INPP4A: variants seen among roughly 807,000 people sequenced by gnomAD.
INPP4A encodes inositol polyphosphate-4-phosphatase type I A.
INPP4A carries 33 observed loss-of-function variants against 119.8 expected under a neutral mutation model. That is an observed-to-expected ratio of 0.28 (90% CI 0.21 to 0.37). The LOEUF is 0.37. Ranked by LOEUF, INPP4A falls within the 10% of genes least tolerant of loss-of-function variation. The pLI is 1.00. For missense variants in INPP4A, 956 were observed against 1,289.9 expected (o/e 0.74, Z 3.97); for synonymous variants, 496 against 500.7 (o/e 0.99, Z 0.12).
At chr2:98,447,607 C>T (rs546360147) in intron 1 of INPP4A, among the ~76,000 whole-genome samples, 1 of 152,106 alleles carries the variant, frequency 6.6e-6, no homozygotes, top group African/African-American at 2.4e-5. Flanking sequence ...CAAGAATAAG[C>T]CAAAGGTTTC....
chr2:98,532,550 A>G (rs1327052331), intron 4 of INPP4A, among the ~76,000 whole-genome samples: 1 of 152,206 alleles, frequency 6.6e-6, no homozygotes, highest in East Asian at 1.9e-4. Context: ...CCTTGTGTGA[A>G]CATGATAGAG....
rs1339877542 is a variant in INPP4A at position 98,520,747 on chromosome 2, TA to T, written c.151+17del. The T allele has an allele frequency of 1.5e-5, 21 of 1,384,662 alleles. No homozygotes were observed. The highest frequency in any genetic ancestry group is 8.8e-5 in the African/African-American group (6 of 68,442). The allele number at this position is 1,384,662 out of a possible 1,614,324, so 85.8% of individuals were successfully genotyped here. ...TTTAGCTTAGGTAGGTATCTTTCAT[TA>T]TTTTTTTGTTTTAAAAAATATTTTA... is the stretch of plus-strand genomic sequence containing the variant. On this transcript the variant is annotated intron_variant, in intron 4 of 24. Transcript: ENST00000409851.
chr2:98,573,782 C>T (rs906707545), intron 23 of INPP4A, among the ~76,000 whole-genome samples: 10 of 152,312 alleles, frequency 6.6e-5, no homozygotes, highest in African/African-American at 2.4e-4. Flanking sequence ...GCCGCCACTT[C>T]GGGTTGGTTA....
intron 7 of INPP4A, 120 bp from the exon 8 acceptor site, chr2:98,537,743 A>G: frequency 2.9e-6 from 2 of 697,414 alleles, no homozygotes; most frequent in South Asian, 1.6e-5. Context: ...CTGACTGGTC[A>G]GTCAGCTCGG....
At chr2:98,499,816 T>C (rs1294984986) in intron 1 of INPP4A, among the ~76,000 whole-genome samples, 1 of 152,220 alleles carries the variant, frequency 6.6e-6, no homozygotes, top group South Asian at 2.1e-4. Context: ...GACAGTATTC[T>C]CCTTTATGGA....
rs974382216 is a variant in INPP4A at position 98,590,891 on chromosome 2, G to A, written c.*3283G>A. Reference sequence around the variant, plus strand: ...CTCATTGATGGTAGCAGTGCACCTCGTTTCAGTGTCCTGATTCCTTGATTA... The same window carrying A: ...CTCATTGATGGTAGCAGTGCACCTCATTTCAGTGTCCTGATTCCTTGATTA... On this transcript the variant is annotated 3_prime_UTR_variant, in exon 25 of 25. Transcript: ENST00000409851. 2 of 231,194 alleles carry A rather than the reference G, an allele frequency of 8.7e-6. No homozygotes were observed. The highest frequency in any genetic ancestry group is 5.6e-5 in the Admixed American group (1 of 17,740). 14.3% of individuals were successfully genotyped at this position (231,194 alleles called of 1,614,324 possible). A position where few individuals can be genotyped will look rare whatever the true frequency, so the allele number is the denominator to read the frequency against.
rs932249166 is a variant in INPP4A, at chr2:98,563,414, A to C, written c.1856-51A>C. 6 of 1,543,530 alleles carry C rather than the reference A, an allele frequency of 3.9e-6. No homozygotes were observed. In the East Asian group the frequency reaches 1.4e-4, roughly 36 times the overall value. On this transcript the variant is annotated intron_variant, in intron 17 of 24. Coordinates refer to ENST00000409851, the MANE Select transcript of INPP4A (RefSeq NM_001134225.2). ...GTGACTTGTTAAATTGCCAGAACCTAATTCTTAAAATCTCTCTCTCATTGT... is the reference window on the plus strand; with the variant it reads ...GTGACTTGTTAAATTGCCAGAACCTCATTCTTAAAATCTCTCTCTCATTGT...
rs375816198 is a variant in INPP4A, at chr2:98,537,856, A to G, written c.468-7A>G. ...CACCACTCATTAAAGCATGTTGTGC[A>G]TCACAGGTCTGCAGAGAGTGACCGT... On this transcript the variant is annotated splice_polypyrimidine_tract_variant and splice_region_variant and intron_variant, in intron 7 of 24. Transcript: ENST00000409851. 26 of 1,598,088 alleles carry G rather than the reference A, an allele frequency of 1.6e-5. No individual in the cohort carries two copies. The highest frequency in any genetic ancestry group is 1.6e-4 in the East Asian group (7 of 44,614).
intron 22 of INPP4A, 88 bp from the exon 23 acceptor site, chr2:98,572,727 G>A: frequency 1.3e-6 from 1 of 798,214 alleles, no homozygotes. Flanking sequence ...ACCACTGTGT[G>A]CCCCAGCAGC....
At chr2:98,559,386 T>C in intron 16 of INPP4A, 77 bp from the exon 17 acceptor site, 1 of 1,534,906 alleles carries the variant, frequency 6.5e-7, no homozygotes, top group Non-Finnish European at 9.0e-7. Context: ...ACGCAGCTGC[T>C]GCTCTGAGAT....
intron 1 of INPP4A, among the ~76,000 whole-genome samples, chr2:98,457,482 C>G (rs990069113): frequency 1.3e-5 from 2 of 152,116 alleles, no homozygotes; most frequent in Non-Finnish European, 2.9e-5. Context: ...ACTGGTCATC[C>G]CAGGATTTGA....
chr2:98,522,318 A>T (rs1687376369), intron 4 of INPP4A, among the ~76,000 whole-genome samples: 1 of 151,602 alleles, frequency 6.6e-6, no homozygotes, highest in African/African-American at 2.4e-5. Flanking sequence ...GAAAGAAATT[A>T]TAATTTGTAT....
Position 98,593,804 on chromosome 2 carries a change from G to T in INPP4A, c.*6196G>T, listed in dbSNP as rs1700498970. On this transcript the variant is annotated 3_prime_UTR_variant, in exon 25 of 25. Transcript: ENST00000409851. ...ATCCATGCACCCCAAGGCCTGGTCT[G>T]TATCAGTCCCCTCGGATCTGGACCT... The T allele has an allele frequency of 6.6e-6, 1 of 152,340 alleles. No individual in the cohort carries two copies. The highest frequency in any genetic ancestry group is 2.1e-4 in the South Asian group (1 of 4,830). 9.4% of individuals were successfully genotyped at this position (152,340 alleles called of 1,614,324 possible).
At chr2:98,490,635 G>A (rs376035300) in intron 1 of INPP4A, among the ~76,000 whole-genome samples, 2 of 152,262 alleles carry the variant, frequency 1.3e-5, no homozygotes, top group Admixed American at 6.5e-5. Context: ...TATTGTTCTC[G>A]TGGAGATACT....
At position 98,554,266 on chromosome 2, in the gene INPP4A, T is replaced by A; in HGVS notation, c.1348-5T>A. ...TCAGCAGCCTTGGTTTGTGTGCACC[T>A]GCAGACACGGCAGCTGGTCACGGTC... On this transcript the variant is annotated splice_polypyrimidine_tract_variant and splice_region_variant and intron_variant, in intron 14 of 24. Coordinates refer to ENST00000409851, the MANE Select transcript of INPP4A (RefSeq NM_001134225.2). The surrounding 1 kb of genome is among the most constrained non-coding windows in gnomAD (Gnocchi z 4.7). 1 of 1,594,668 alleles carries A rather than the reference T, an allele frequency of 6.3e-7. No individual in the cohort carries two copies. Among genetic ancestry groups the A allele is most frequent in the Non-Finnish European group, 8.5e-7 (1 of 1,170,960 alleles).
intron 1 of INPP4A, among the ~76,000 whole-genome samples, chr2:98,518,683 C>G (rs891338173): frequency 3.9e-5 from 6 of 152,274 alleles, no homozygotes; most frequent in African/African-American, 9.6e-5. Flanking sequence ...GTCTCACATT[C>G]TCATCCCCCT....
intron 16 of INPP4A, among the ~76,000 whole-genome samples, chr2:98,557,948 A>G (rs1017772579): frequency 2.0e-5 from 3 of 151,676 alleles, no homozygotes; most frequent in African/African-American, 7.3e-5. Context: ...CTCTCCTCAT[A>G]CCCAAAGAGA....
chr2:98,489,691 A>C (rs1056692147), intron 1 of INPP4A, among the ~76,000 whole-genome samples: 1 of 152,196 alleles, frequency 6.6e-6, no homozygotes, highest in African/African-American at 2.4e-5. Context: ...TTGGCATAGC[A>C]AACTCTGCTT....
At chr2:98,489,972 C>T (rs539625845) in intron 1 of INPP4A, among the ~76,000 whole-genome samples, 1 of 150,096 alleles carries the variant, frequency 6.7e-6, no homozygotes, top group African/African-American at 2.5e-5. Flanking sequence ...GAGGAGGACA[C>T]TTTAGAAGGG....
Sources: gnomAD v4.1 joint callset for allele counts (sites outside exome capture counted in the v4.1 genomes callset) on GRCh38, gnomAD v4.1.1 for gene constraint, Gnocchi (gnomAD v3.1) non-coding constraint, MANE v1.5 for transcripts, NCBI Gene and HGNC (gene_info 2026-07-23, HGNC 2026-07-21) for gene names.